The following GNA12 variants were observed in gnomAD, a reference collection of about 807,000 sequenced individuals.
The protein encoded by GNA12 is guanine nucleotide-binding protein subunit alpha-12.
GNA12 carries 9 observed loss-of-function variants against 26.0 expected under a neutral mutation model. The ratio of observed to expected loss-of-function variants is 0.35; its 90% CI spans 0.21 to 0.60. The LOEUF (loss-of-function observed/expected upper bound fraction) is 0.60. GNA12 is among the 20% of genes least tolerant of loss of function. GNA12 has a pLI of 0.78. For synonymous variants in GNA12, 264 were observed against 219.6 expected, an observed-to-expected ratio of 1.20 and a Z score of -1.79; for missense variants, 405 against 525.8, an observed-to-expected ratio of 0.77 and a Z score of 2.25.
intron 2 of GNA12, among the ~76,000 whole-genome samples, chr7:2,793,741 G>A (rs1288997009): frequency 6.6e-6 from 1 of 151,880 alleles, no homozygotes; most frequent in African/African-American, 2.4e-5. Flanking sequence ...AAAATTAGCT[G>A]GTGTGGTGGT....
intron 2 of GNA12, among the ~76,000 whole-genome samples, chr7:2,790,553 C>T (rs1792491013): frequency 6.6e-6 from 1 of 152,220 alleles, no homozygotes; most frequent in African/African-American, 2.4e-5. Flanking sequence ...GAATACCCTT[C>T]CGTGGCACAG....
Position 2,745,800 on chromosome 7 carries a change from G to A in GNA12, c.526-12299C>T, listed in dbSNP as rs561633090. 1.1e-4 allele frequency among the ~76,000 whole-genome samples: 17 copies of A among 152,254 alleles called. 1 individual carries two copies. The highest frequency in any genetic ancestry group is 4.2e-4 in the South Asian group (2 of 4,804). ...ATCTCACGTGCAGAGACACACATAG[G>A]CTCAAAATAAAGGGATGCAGGAAGA... is the stretch of plus-strand genomic sequence containing the variant. On this transcript the variant is annotated intron_variant, in intron 2 of 3. Coordinates refer to ENST00000275364, the MANE Select transcript of GNA12 (RefSeq NM_007353.3).
intron 3 of GNA12, 74 bp downstream of exon 3, chr7:2,733,377 G>T (rs941864358): frequency 3.2e-6 from 4 of 1,235,564 alleles, no homozygotes; most frequent in Non-Finnish European, 2.3e-6. Context: ...TCCTCACAAC[G>T]TGGACTGCTT....
chr7:2,753,938 G>A (rs1393431619), intron 2 of GNA12, among the ~76,000 whole-genome samples: 3 of 152,150 alleles, frequency 2.0e-5, no homozygotes, highest in South Asian at 4.2e-4. Context: ...ATCCGACCAC[G>A]AGCTCTGTAG....
At chr7:2,808,768 C>T (rs1793010556) in intron 1 of GNA12, among the ~76,000 whole-genome samples, 1 of 152,212 alleles carries the variant, frequency 6.6e-6, no homozygotes, top group African/African-American at 2.4e-5. Flanking sequence ...CACTTGTCCC[C>T]TTCAGTCTAC....
chr7:2,734,655 G>A (rs1373159665), intron 2 of GNA12, among the ~76,000 whole-genome samples: 2 of 152,248 alleles, frequency 1.3e-5, no homozygotes, highest in African/African-American at 4.8e-5. Context: ...CAGAGAGGAA[G>A]CTCCTTCAGG....
intron 1 of GNA12, among the ~76,000 whole-genome samples, chr7:2,807,506 G>A (rs1223139738): frequency 6.6e-6 from 1 of 151,874 alleles, no homozygotes; most frequent in African/African-American, 2.4e-5. Context: ...TGAATTTGAT[G>A]GGAGATTTAC....
chr7:2,779,929 A>G (rs938578001), intron 2 of GNA12, among the ~76,000 whole-genome samples: 1 of 151,862 alleles, frequency 6.6e-6, no homozygotes, highest in Non-Finnish European at 1.5e-5. Flanking sequence ...AGTTAAAAAT[A>G]AAAATAATTT....
chr7:2,840,876 A>T (rs1336746621), intron 1 of GNA12, among the ~76,000 whole-genome samples: 1 of 152,154 alleles, frequency 6.6e-6, no homozygotes, highest in Non-Finnish European at 1.5e-5. Context: ...TAAAAAAATA[A>T]AATAGTCTCT....
At chr7:2,799,939 C>T (rs1792768932) in intron 1 of GNA12, among the ~76,000 whole-genome samples, 2 of 152,218 alleles carry the variant, frequency 1.3e-5, no homozygotes, top group Admixed American at 1.3e-4. Context: ...GTGGGAATGT[C>T]AAATGGCACA....
rs1583198051 is a variant in GNA12, at chr7:2,728,393, G to T, written c.*2788C>A. 1 of 151,916 alleles carries T rather than the reference G, an allele frequency of 6.6e-6. No individual in the cohort carries two copies. The highest frequency in any genetic ancestry group is 1.9e-4 in the East Asian group (1 of 5,304). 9.4% of individuals were successfully genotyped at this position (151,916 alleles called of 1,614,324 possible). A position where few individuals can be genotyped will look rare whatever the true frequency, so the allele number is the denominator to read the frequency against. On this transcript the variant is annotated 3_prime_UTR_variant, in exon 4 of 4. Coordinates refer to ENST00000275364, the MANE Select transcript of GNA12 (RefSeq NM_007353.3). Reference sequence around the variant, plus strand: ...TCTGACTTATTTTTCTTTTATCAAAGAAGTAGGAAAATTACAATAAGAATT... The same window carrying T: ...TCTGACTTATTTTTCTTTTATCAAATAAGTAGGAAAATTACAATAAGAATT...
chr7:2,793,481 GAGA>G (rs1412353711), intron 2 of GNA12, among the ~76,000 whole-genome samples: 2 of 152,168 alleles, frequency 1.3e-5, no homozygotes, highest in Non-Finnish European at 2.9e-5. Flanking sequence ...GGGGACTTGG[GAGA>G]AGAATATAAG....
intron 2 of GNA12, among the ~76,000 whole-genome samples, chr7:2,744,678 T>C (rs951500270): frequency 3.1e-4 from 47 of 152,256 alleles, no homozygotes; most frequent in African/African-American, 1.1e-3. Context: ...ACAATGACTT[T>C]GACGAGTTGA....
At position 2,734,352 on chromosome 7, in the gene GNA12, G is replaced by A. The variant is rs151232523; in HGVS notation, c.526-851C>T. 5.3e-3 allele frequency among the ~76,000 whole-genome samples: 811 copies of A among 152,314 alleles called. 5 individuals are homozygous for A. Among genetic ancestry groups the A allele is most frequent in the Non-Finnish European group, 8.5e-3 (580 of 68,024 alleles). On this transcript the variant is annotated intron_variant, in intron 2 of 3. Transcript: ENST00000275364. ...ACCACTTTCTATAAGATTCCACTTT[G>A]AACCCTGCTCTAAAGACAGACACCA... is the stretch of plus-strand genomic sequence containing the variant.
At position 2,814,822 on chromosome 7, in the gene GNA12, C is replaced by G. The variant is rs796390632; in HGVS notation, c.310-19679G>C. 3.2e-6 allele frequency: 5 copies of G among 1,546,972 alleles called. No individual in the cohort carries two copies. In the African/African-American group the frequency reaches 5.5e-5, roughly 17 times the overall value. Reference sequence around the variant, plus strand: ...CCCGCACTGCTCCCAAGCACCCTTCCTGTGCTCCCGACAGCACCGGGTGTG... The same window carrying G: ...CCCGCACTGCTCCCAAGCACCCTTCGTGTGCTCCCGACAGCACCGGGTGTG... On this transcript the variant is annotated intron_variant, in intron 1 of 3. Transcript: ENST00000275364.
intron 1 of GNA12, among the ~76,000 whole-genome samples, chr7:2,832,718 T>C (rs758670016): frequency 2.6e-5 from 4 of 152,122 alleles, no homozygotes; most frequent in African/African-American, 4.8e-5. Context: ...GACAGTAAAA[T>C]AGATGCTGAC....
chr7:2,780,080 A>G (rs1267318897), intron 2 of GNA12, among the ~76,000 whole-genome samples: 7 of 106,936 alleles, frequency 6.5e-5, no homozygotes, highest in African/African-American at 3.1e-5. Flanking sequence ...ATATATATAT[A>G]TATATATATA....
At chr7:2,753,017 T>C (rs1460338223) in intron 2 of GNA12, among the ~76,000 whole-genome samples, 6 of 152,216 alleles carry the variant, frequency 3.9e-5, no homozygotes, top group African/African-American at 1.4e-4. Flanking sequence ...CCATCCTCCT[T>C]CTTCCACCAT....
rs368625134 is a variant in GNA12 at position 2,795,967 on chromosome 7, C to T, written c.310-824G>A. On this transcript the variant is annotated intron_variant, in intron 1 of 3. Transcript: ENST00000275364. The stretch of plus-strand genomic sequence containing the variant: ...TCCTAAGTAGCTAGGATTACAGGTA[C>T]CTGCCACCAGGCCCGGCTAATTTTT... Among the ~76,000 whole-genome samples, 28 of 152,088 alleles carry T rather than the reference C, an allele frequency of 1.8e-4. No individual in the cohort carries two copies. The East Asian group carries it at 2.7e-3, about 15-fold the overall frequency.
Sources: gnomAD v4.1 joint callset for allele counts (sites outside exome capture counted in the v4.1 genomes callset) on GRCh38, gnomAD v4.1.1 for gene constraint, MANE v1.5 for transcripts, NCBI Gene and HGNC (gene_info 2026-07-23, HGNC 2026-07-21) for gene names.